Variants in DNAAF4 observed in about 807,000 individuals in gnomAD.
DNAAF4 encodes dynein axonemal assembly factor 4.
Under a neutral mutation model 51.8 loss-of-function variants are expected in DNAAF4, and 43 were observed. The observed-to-expected ratio is 0.83, with a 90% CI of 0.65 to 1.07. The LOEUF is 1.07. DNAAF4 is among the 50% of genes least tolerant of loss of function. The pLI is 0.00. For missense variants in DNAAF4, 581 were observed against 493.0 expected (o/e 1.18, Z -1.69); for synonymous variants, 194 against 165.6 (o/e 1.17, Z -1.32).
intron 4 of DNAAF4, among the ~76,000 whole-genome samples, chr15:55,473,487 TA>T (rs1230297102): frequency 6.6e-6 from 1 of 151,034 alleles, no homozygotes; most frequent in Non-Finnish European, 1.5e-5. Context: ...CTTAATCAAA[TA>T]GGGGTAACTT....
At chr15:55,425,883 C>T (rs1434371733), downstream of DNAAF4, among the ~76,000 whole-genome samples, 1 of 152,314 alleles carries the variant, frequency 6.6e-6, no homozygotes, top group East Asian at 1.9e-4. Context: ...AATGGGTTGA[C>T]CTTGCCTGCT....
chr15:55,476,380 G>A (rs2058335188), intron 4 of DNAAF4, among the ~76,000 whole-genome samples: 1 of 152,060 alleles, frequency 6.6e-6, no homozygotes, highest in Non-Finnish European at 1.5e-5. Context: ...TTGAGACCAG[G>A]AGTTTGAAGT....
At chr15:55,489,422 C>G (rs146542632) in intron 4 of DNAAF4, among the ~76,000 whole-genome samples, 1 of 151,984 alleles carries the variant, frequency 6.6e-6, no homozygotes, top group Non-Finnish European at 1.5e-5. Flanking sequence ...GCCTGTAATC[C>G]CAACACTTTG....
chr15:55,479,703 T>C (rs2058381909), intron 4 of DNAAF4, among the ~76,000 whole-genome samples: 1 of 152,042 alleles, frequency 6.6e-6, no homozygotes, highest in African/African-American at 2.4e-5. Flanking sequence ...ATTAATACCC[T>C]GGGAAAGGAA....
At chr15:55,418,979 C>T (rs1478627455) in intron 7 of DNAAF4, among the ~76,000 whole-genome samples, 2 of 140,816 alleles carry the variant, frequency 1.4e-5, no homozygotes, top group African/African-American at 5.3e-5. Flanking sequence ...GGTTAGAGTG[C>T]AGTGGTTGCT....
rs1209754897 is a variant in DNAAF4 at position 55,473,198 on chromosome 15, A to AAAATATATATATATATAT, written c.406-6038_406-6037insATATATATATATATATTT. ...ACAAAAAAAAAACCTAAAAAAAAAA[A>AAAATATATATATATATAT]ATATATATATATATATATATATATG... On this transcript the variant is annotated intron_variant, in intron 4 of 9. Transcript: ENST00000321149. Among the ~76,000 whole-genome samples, 2 of 75,750 alleles carry AAAATATATATATATATAT rather than the reference A, an allele frequency of 2.6e-5. 1 individual carries two copies. Among genetic ancestry groups the AAAATATATATATATATAT allele is most frequent in the African/African-American group, 1.1e-4 (2 of 18,650 alleles). The allele number at this position is 75,750 out of a possible 152,430, so 49.7% of individuals were successfully genotyped here. A position where few individuals can be genotyped will look rare whatever the true frequency, so the allele number is the denominator to read the frequency against.
At chr15:55,419,556 T>C (rs1341476082) in intron 7 of DNAAF4, among the ~76,000 whole-genome samples, 7 of 151,706 alleles carry the variant, frequency 4.6e-5, no homozygotes, top group Non-Finnish European at 8.8e-5. Context: ...ACTTTTAACA[T>C]TGTGTTAGTT....
chr15:55,423,056 G>C (rs2057401200), intron 7 of DNAAF4, among the ~76,000 whole-genome samples: 1 of 151,898 alleles, frequency 6.6e-6, no homozygotes, highest in African/African-American at 2.4e-5. Context: ...AAGCGGTAGA[G>C]AGGAAAACTT....
At chr15:55,495,310 T>C (rs1391377677) in intron 3 of DNAAF4, 1 of 151,502 alleles carries the variant, frequency 6.6e-6, no homozygotes, top group African/African-American at 2.4e-5. Context: ...AAATAAATTC[T>C]ACCTTGGTCT....
exon 8 of DNAAF4, chr15:55,418,084 A>G: frequency 1.9e-6 from 3 of 1,572,292 alleles, no homozygotes; most frequent in Non-Finnish European, 2.6e-6. Flanking sequence ...ATGATGGCTT[A>G]GCTTGGGCTC....
chr15:55,506,492 T>A (rs1306545660), intron 1 of DNAAF4, among the ~76,000 whole-genome samples: 1 of 152,140 alleles, frequency 6.6e-6, no homozygotes, highest in Non-Finnish European at 1.5e-5. Context: ...TCCACCCTCT[T>A]AATTCTAGTA....
At chr15:55,488,203 T>C (rs1418536421) in intron 4 of DNAAF4, among the ~76,000 whole-genome samples, 2 of 151,878 alleles carry the variant, frequency 1.3e-5, no homozygotes, top group Non-Finnish European at 2.9e-5. Context: ...CTACCAGACC[T>C]TGATCTATGA....
chr15:55,478,653 A>G (rs2058367686), intron 4 of DNAAF4, among the ~76,000 whole-genome samples: 1 of 152,218 alleles, frequency 6.6e-6, no homozygotes, highest in South Asian at 2.1e-4. Flanking sequence ...ATCTCCAACT[A>G]TAAGAGAAGA....
intron 5 of DNAAF4, among the ~76,000 whole-genome samples, chr15:55,462,844 C>CA (rs1324937413): frequency 1.3e-5 from 2 of 151,958 alleles, no homozygotes; most frequent in Non-Finnish European, 2.9e-5. Context: ...GAAGTCAAAA[C>CA]AAAAATCATA....
chr15:55,497,913 G>GT, intron 2 of DNAAF4, 54 bp from the exon 3 acceptor site: 5 of 1,552,656 alleles, frequency 3.2e-6, no homozygotes, highest in Non-Finnish European at 4.3e-6. Context: ...TTAAGCACGC[G>GT]TATTAAGAAA....
intron 7 of DNAAF4, among the ~76,000 whole-genome samples, chr15:55,437,388 C>G (rs139428534): frequency 6.6e-6 from 1 of 152,174 alleles, no homozygotes; most frequent in African/African-American, 2.4e-5. Context: ...GAAAAATTGC[C>G]AACTCCAGCT....
intron 1 of DNAAF4, among the ~76,000 whole-genome samples, chr15:55,501,450 A>C (rs2058698114): frequency 7.0e-6 from 1 of 143,118 alleles, no homozygotes; most frequent in Non-Finnish European, 1.5e-5. Flanking sequence ...ATCTCGGCTC[A>C]CTGCAAGCTC....
At chr15:55,505,186 A>G (rs1034904706) in intron 1 of DNAAF4, among the ~76,000 whole-genome samples, 2 of 152,264 alleles carry the variant, frequency 1.3e-5, no homozygotes, top group Non-Finnish European at 1.5e-5. Context: ...ATCACTGGTC[A>G]TCAAAGAAAT....
intron 3 of DNAAF4, among the ~76,000 whole-genome samples, chr15:55,491,906 G>C (rs2058580463): frequency 6.6e-6 from 1 of 150,442 alleles, no homozygotes; most frequent in South Asian, 2.1e-4. Flanking sequence ...CAGGCTGCTG[G>C]AGTGCAGTTA....
Sources: allele counts gnomAD v4.1 joint callset (sites outside exome capture counted in the v4.1 genomes callset), GRCh38; gene constraint gnomAD v4.1.1; transcripts MANE v1.5; gene names NCBI Gene and HGNC (gene_info 2026-07-23, HGNC 2026-07-21).